The following MECOM variants were observed in gnomAD, a reference collection of about 807,000 sequenced individuals.
MECOM encodes the protein histone-lysine N-methyltransferase MECOM.
MECOM carries 13 observed loss-of-function variants against 116.3 expected under a neutral mutation model. The observed-to-expected ratio is 0.11, with a 90% CI of 0.07 to 0.18. MECOM has a LOEUF of 0.18. Ranked by LOEUF, MECOM falls within the 10% of genes least tolerant of loss-of-function variation. The probability of loss-of-function intolerance (pLI) is 1.00; values close to 1 mark genes in which losing one functional copy is unlikely to be tolerated. For missense variants in MECOM, 1,299 were observed against 1,509.0 expected, an observed-to-expected ratio of 0.86 and a Z score of 2.31; for synonymous variants, 528 against 535.2, an observed-to-expected ratio of 0.99 and a Z score of 0.19.
chr3:169,467,492 C>A (rs1748486417), intron 1 of MECOM, among the ~76,000 whole-genome samples: 3 of 152,070 alleles, frequency 2.0e-5, no homozygotes, highest in South Asian at 4.1e-4. Context: ...AATATCACAA[C>A]CTGCCAGTAA....
intron 2 of MECOM, among the ~76,000 whole-genome samples, chr3:169,311,537 C>T (rs1718762236): frequency 6.6e-6 from 1 of 152,194 alleles, no homozygotes; most frequent in Non-Finnish European, 1.5e-5. Flanking sequence ...GCACTAGAAA[C>T]AATACCATGC....
chr3:169,642,360 CT>C (rs1377886864), intron 1 of MECOM, among the ~76,000 whole-genome samples: 1 of 150,654 alleles, frequency 6.6e-6, no homozygotes, highest in Non-Finnish European at 1.5e-5. Context: ...AGTCGGGTAA[CT>C]GATAAAACAT....
chr3:169,244,016 G>A lies in MECOM; in HGVS notation c.376-100184C>T, dbSNP rs565981059. Among the ~76,000 whole-genome samples, 174 of 152,294 alleles carry A rather than the reference G, an allele frequency of 1.1e-3. 1 individual carries two copies. The highest frequency in any genetic ancestry group is 2.0e-3 in the Non-Finnish European group (139 of 68,032). ...TCTGCAAACCTGCCTTCATTATGATGTGGGATATTTCAGTCCCAGCAGGTG... is the reference window on the plus strand; with the variant it reads ...TCTGCAAACCTGCCTTCATTATGATATGGGATATTTCAGTCCCAGCAGGTG... On this transcript the variant is annotated intron_variant, in intron 2 of 16. Coordinates refer to ENST00000651503, the MANE Select transcript of MECOM (RefSeq NM_004991.4).
rs116613470 is a variant in MECOM at position 169,119,803 on chromosome 3, C to T, written c.1132+1253G>A. On this transcript the variant is annotated intron_variant, in intron 7 of 16. Transcript: ENST00000651503. The stretch of plus-strand genomic sequence containing the variant: ...AATTTCTATTGAATGCTTTATTTCC[C>T]GTGACCTTCAATAGAGCTTCCCCAA... Among the ~76,000 whole-genome samples the T allele has an allele frequency of 4.0e-3, 610 of 152,164 alleles. 3 individuals carry two copies. The highest frequency in any genetic ancestry group is 0.017 in the South Asian group (80 of 4,824).
chr3:169,250,482 T>C (rs1756125651), intron 2 of MECOM, among the ~76,000 whole-genome samples: 1 of 152,226 alleles, frequency 6.6e-6, no homozygotes, highest in Non-Finnish European at 1.5e-5. Flanking sequence ...CAACCAGCTT[T>C]TCTCTTGTTT....
At chr3:169,381,587 G>A (rs1409799517) in intron 1 of MECOM, 63 bp from the exon 2 acceptor site, 5 of 1,235,768 alleles carry the variant, frequency 4.0e-6, no homozygotes, top group Non-Finnish European at 5.5e-6. Flanking sequence ...TTCCACAGGG[G>A]TAGCCACCTT....
At chr3:169,638,666 T>A (rs1423858153) in intron 1 of MECOM, among the ~76,000 whole-genome samples, 1 of 152,212 alleles carries the variant, frequency 6.6e-6, no homozygotes, top group Non-Finnish European at 1.5e-5. Context: ...CTGCCTGACA[T>A]TAAGACCTGG....
At chr3:169,126,150 G>A (rs1460852397) in intron 5 of MECOM, among the ~76,000 whole-genome samples, 1 of 152,028 alleles carries the variant, frequency 6.6e-6, no homozygotes, top group Non-Finnish European at 1.5e-5. Context: ...TCTACTAAAT[G>A]TTTGACTGAA....
intron 2 of MECOM, among the ~76,000 whole-genome samples, chr3:169,324,109 C>T (rs1201454769): frequency 6.6e-6 from 1 of 152,174 alleles, no homozygotes; most frequent in Non-Finnish European, 1.5e-5. Context: ...GATTTTATTT[C>T]ACCAGAGTAG....
intron 1 of MECOM, among the ~76,000 whole-genome samples, chr3:169,445,276 T>C (rs1385512430): frequency 6.6e-6 from 1 of 152,008 alleles, no homozygotes; most frequent in East Asian, 1.9e-4. Flanking sequence ...AAAGTGGTTT[T>C]GTGGGTGGGC....
At chr3:169,632,401 A>T (rs549857708) in intron 1 of MECOM, among the ~76,000 whole-genome samples, 1 of 152,050 alleles carries the variant, frequency 6.6e-6, no homozygotes, top group Non-Finnish European at 1.5e-5. Flanking sequence ...GAGAAAAAAA[A>T]ATAGATTTAT....
intron 1 of MECOM, among the ~76,000 whole-genome samples, chr3:169,602,954 C>T (rs1404609254): frequency 6.6e-6 from 1 of 152,184 alleles, no homozygotes; most frequent in Non-Finnish European, 1.5e-5. Flanking sequence ...GCCCCCAATA[C>T]ATATATTCAC....
intron 1 of MECOM, among the ~76,000 whole-genome samples, chr3:169,433,639 G>A (rs1038748459): frequency 0.012 from 1,512 of 127,042 alleles, 34 homozygotes; most frequent in Non-Finnish European, 0.019. Flanking sequence ...GAAAGAGAAA[G>A]AGAAAGAAAG....
At chr3:169,485,915 G>A (rs1260239818) in intron 1 of MECOM, among the ~76,000 whole-genome samples, 1 of 45,626 alleles carries the variant, frequency 2.2e-5, no homozygotes, top group Non-Finnish European at 4.1e-5. Context: ...ATATATGTAT[G>A]TATATATAGT....
chr3:169,492,105 T>C (rs1753167445), intron 1 of MECOM, among the ~76,000 whole-genome samples: 1 of 152,218 alleles, frequency 6.6e-6, no homozygotes, highest in South Asian at 2.1e-4. Flanking sequence ...ACACATTCAG[T>C]TTCATGGGGT....
chr3:169,165,763 C>T (rs981814110), intron 2 of MECOM, among the ~76,000 whole-genome samples: 2 of 152,150 alleles, frequency 1.3e-5, no homozygotes, highest in African/African-American at 4.8e-5. Flanking sequence ...GTGGCTCTTC[C>T]TTCTACATTT....
At position 169,100,929 on chromosome 3, in the gene MECOM, G is replaced by A; in HGVS notation, c.2805C>T (p.Asn935=). ...YCGKIFPRSA[N]LTRHLRTHTG... is the part of the protein sequence containing the mutation. ...TGTGGGTTCTCAAGTGCCGTGTTAG[G>A]TTTGCAGACCTTGGAAAAATCTTGC... The change falls in exon 12 of 17, where the codon AAC becomes AAT. Residue 935 remains asparagine, a synonymous_variant. Transcript: ENST00000651503. The A allele has an allele frequency of 6.2e-7, 1 of 1,609,050 alleles. No homozygotes were observed. The highest frequency in any genetic ancestry group is 8.5e-7 in the Non-Finnish European group (1 of 1,176,928).
chr3:169,543,428 A>G (rs1473867398), intron 1 of MECOM, among the ~76,000 whole-genome samples: 1 of 152,106 alleles, frequency 6.6e-6, no homozygotes, highest in Non-Finnish European at 1.5e-5. Context: ...GTTTAAAATT[A>G]GTTGGGCATG....
chr3:169,240,368 T>G (rs1754635482), intron 2 of MECOM, among the ~76,000 whole-genome samples: 2 of 152,198 alleles, frequency 1.3e-5, no homozygotes, highest in Non-Finnish European at 2.9e-5. Context: ...TAAATCTTCA[T>G]GCCTAAACCA....
Sources: gnomAD v4.1 joint callset for allele counts (sites outside exome capture counted in the v4.1 genomes callset) on GRCh38, gnomAD v4.1.1 for gene constraint, MANE v1.5 for transcripts, NCBI Gene and HGNC (gene_info 2026-07-23, HGNC 2026-07-21) for gene names.